The following TMEM132D variants were observed in gnomAD, a reference collection of about 807,000 sequenced individuals.
TMEM132D encodes transmembrane protein 132D, also known as mature OL transmembrane protein.
In TMEM132D, 21 loss-of-function variants were observed where a neutral mutation model predicts 62.3. The ratio of observed to expected loss-of-function variants is 0.34; its 90% CI spans 0.24 to 0.49. The LOEUF (loss-of-function observed/expected upper bound fraction) is 0.49. TMEM132D is among the 20% of genes least tolerant of loss of function. The probability of loss-of-function intolerance (pLI) is 0.99; values close to 1 mark genes in which losing one functional copy is unlikely to be tolerated. For missense variants in TMEM132D, 1,346 were observed against 1,402.8 expected (o/e 0.96, Z 0.65); for synonymous variants, 621 against 575.6 (o/e 1.08, Z -1.13).
intron 5 of TMEM132D, among the ~76,000 whole-genome samples, chr12:129,204,710 C>A (rs779923035): frequency 6.6e-6 from 1 of 152,056 alleles, no homozygotes; most frequent in Non-Finnish European, 1.5e-5. Context: ...GAAGAACGTC[C>A]CCAAGACACA....
In TMEM132D at chr12:129,592,130, C is replaced by T. The variant is rs565500235; in HGVS notation, c.969-60925G>A. 2.0e-5 allele frequency among the ~76,000 whole-genome samples: 3 copies of T among 152,232 alleles called. No individual in the cohort carries two copies. In the South Asian group the frequency reaches 6.2e-4, roughly 32 times the overall value. ...AATTTAAACCCCACTGATTATAAGA[C>T]ATGTCTTAATTCGTGTAACACTAAA... On this transcript the variant is annotated intron_variant, in intron 2 of 8. Coordinates refer to ENST00000422113, the MANE Select transcript of TMEM132D (RefSeq NM_133448.3).
chr12:129,789,382 C>A (rs1295919447), intron 1 of TMEM132D, among the ~76,000 whole-genome samples: 1 of 152,174 alleles, frequency 6.6e-6, no homozygotes, highest in Non-Finnish European at 1.5e-5. Context: ...CAGGTTGCTA[C>A]CCATAGGAAA....
At chr12:129,095,037 TC>T (rs1875055275) in intron 5 of TMEM132D, among the ~76,000 whole-genome samples, 1 of 31,916 alleles carries the variant, frequency 3.1e-5, no homozygotes, top group Non-Finnish European at 6.0e-5. Flanking sequence ...TGTCGTGGGG[TC>T]GGGGGAGGGG....
intron 1 of TMEM132D, among the ~76,000 whole-genome samples, chr12:129,825,370 C>T (rs1044484127): frequency 2.6e-5 from 4 of 152,134 alleles, no homozygotes; most frequent in African/African-American, 9.7e-5. Flanking sequence ...CAGGCTCAAG[C>T]TCCTCTCCCG....
intron 1 of TMEM132D, among the ~76,000 whole-genome samples, chr12:129,721,989 C>A (rs1868850686): frequency 6.6e-6 from 1 of 152,102 alleles, no homozygotes; most frequent in South Asian, 2.1e-4. Context: ...TTTAATCCTG[C>A]AGCATGGAGT....
chr12:129,229,189 T>G (rs148616068), intron 4 of TMEM132D, among the ~76,000 whole-genome samples: 1 of 152,346 alleles, frequency 6.6e-6, no homozygotes, highest in African/African-American at 2.4e-5. Flanking sequence ...AACACTCAGC[T>G]TCGGGTGTAA....
intron 4 of TMEM132D, among the ~76,000 whole-genome samples, chr12:129,226,994 A>C (rs920623264): frequency 4.6e-5 from 7 of 152,114 alleles, no homozygotes; most frequent in Non-Finnish European, 1.0e-4. Flanking sequence ...ATTTAGCGTC[A>C]AGTTTCAGAA....
chr12:129,321,549 A>C (rs1344114918), intron 4 of TMEM132D, among the ~76,000 whole-genome samples: 1 of 151,716 alleles, frequency 6.6e-6, no homozygotes, highest in Non-Finnish European at 1.5e-5. Flanking sequence ...CCATGGCATG[A>C]GGCAGATCTT....
At chr12:129,311,581 C>T (rs147523776) in intron 4 of TMEM132D, among the ~76,000 whole-genome samples, 199 of 152,130 alleles carry the variant, frequency 1.3e-3, no homozygotes, top group African/African-American at 4.3e-3. Context: ...CACAGGTAAA[C>T]ATAAAAATAA....
rs1874103879 is a variant in TMEM132D at position 129,867,794 on chromosome 12, A to ATAT, written c.79+35464_79+35466dup. On this transcript the variant is annotated intron_variant, in intron 1 of 8. Transcript: ENST00000422113. The surrounding 1 kb of genome is among the most constrained non-coding windows in gnomAD (Gnocchi z 4.5). ...AAAGCTAAAATAAATTTTAAAAGGT[A>ATAT]TATATTTAAGCCAAAACTAACCTAG... 6.6e-6 allele frequency among the ~76,000 whole-genome samples: 1 copy of ATAT among 152,236 alleles called. No homozygotes were observed. Among genetic ancestry groups the ATAT allele is most frequent in the Non-Finnish European group, 1.5e-5 (1 of 68,032 alleles).
At chr12:129,671,808 G>A (rs1189880479) in intron 2 of TMEM132D, among the ~76,000 whole-genome samples, 1 of 152,202 alleles carries the variant, frequency 6.6e-6, no homozygotes, top group African/African-American at 2.4e-5. Flanking sequence ...TCCTTGATCA[G>A]ACCTTGAAAG....
Position 129,074,716 on chromosome 12 carries a change from T to G in TMEM132D, c.2459A>C (p.Asn820Thr), listed in dbSNP as rs1382821919. ...RHTGAGVHME[N>T]NVSDRRPKKP... The stretch of plus-strand genomic sequence containing the variant: ...TTTGGGCCTTCTGTCACTGACATTG[T>G]TTTCCATGTGAACCCCTGCCCCTGT... Residue 820 changes from asparagine to threonine, a missense_variant, in exon 9 of 9, where the codon AAC (asparagine) becomes ACC (threonine). Transcript: ENST00000422113. 2.5e-6 allele frequency: 4 copies of G among 1,614,152 alleles called. No homozygotes were observed. In the South Asian group the frequency reaches 4.4e-5, roughly 18 times the overall value.
chr12:129,771,818 T>G (rs528942406), intron 1 of TMEM132D, among the ~76,000 whole-genome samples: 130 of 152,348 alleles, frequency 8.5e-4, no homozygotes, highest in Non-Finnish European at 1.7e-3. Context: ...TTCACACACA[T>G]ATACATGCAT....
intron 4 of TMEM132D, among the ~76,000 whole-genome samples, chr12:129,238,875 C>G (rs990864721): frequency 7.2e-5 from 11 of 152,052 alleles, no homozygotes; most frequent in Non-Finnish European, 1.6e-4. Flanking sequence ...TAGGGTTATT[C>G]TATGTTCAAT....
intron 1 of TMEM132D, among the ~76,000 whole-genome samples, chr12:129,875,961 G>GTCCA (rs1346072274): frequency 2.6e-5 from 4 of 152,100 alleles, no homozygotes; most frequent in Non-Finnish European, 4.4e-5. Context: ...ACATGGTAGT[G>GTCCA]TCCATCCATC....
At chr12:129,785,062 A>G (rs761741214) in intron 1 of TMEM132D, among the ~76,000 whole-genome samples, 1 of 152,220 alleles carries the variant, frequency 6.6e-6, no homozygotes, top group Non-Finnish European at 1.5e-5. Context: ...GAACTTCCAC[A>G]ATCATGAGCT....
intron 2 of TMEM132D, among the ~76,000 whole-genome samples, chr12:129,696,590 G>A (rs1199828668): frequency 6.6e-6 from 1 of 152,130 alleles, no homozygotes; most frequent in African/African-American, 2.4e-5. Flanking sequence ...CTTTGGAAAC[G>A]GACTCCCTGT....
At chr12:129,452,902 A>G (rs554354653) in intron 3 of TMEM132D, among the ~76,000 whole-genome samples, 2 of 152,246 alleles carry the variant, frequency 1.3e-5, no homozygotes, top group East Asian at 3.9e-4. Flanking sequence ...ATAAATCCAG[A>G]CAGGTTGTAG....
intron 2 of TMEM132D, among the ~76,000 whole-genome samples, chr12:129,651,199 CAA>C (rs1879918973): frequency 6.6e-6 from 1 of 152,124 alleles, no homozygotes; most frequent in African/African-American, 2.4e-5. Flanking sequence ...TCCCATCCAG[CAA>C]AGCACAACCA....
Sources: allele counts gnomAD v4.1 joint callset (sites outside exome capture counted in the v4.1 genomes callset), GRCh38; gene constraint gnomAD v4.1.1; non-coding constraint Gnocchi (gnomAD v3.1); transcripts MANE v1.5; gene names NCBI Gene and HGNC (gene_info 2026-07-23, HGNC 2026-07-21).